The following SLC36A3 variants were observed in gnomAD, a reference collection of about 807,000 sequenced individuals.
SLC36A3 encodes proton-coupled amino acid transporter 3.
A neutral mutation model predicts 44.3 loss-of-function variants in SLC36A3; 35 were observed. That is an observed-to-expected ratio of 0.79 (90% confidence interval 0.60 to 1.05). SLC36A3 has a LOEUF of 1.05. SLC36A3 is among the 50% of genes least tolerant of loss of function. The pLI is 0.00. For synonymous variants in SLC36A3, 211 were observed against 227.6 expected, an observed-to-expected ratio of 0.93 and a Z score of 0.66; for missense variants, 540 against 578.7, an observed-to-expected ratio of 0.93 and a Z score of 0.69.
chr5:151,303,315 A>C lies in SLC36A3; in HGVS notation c.40T>G (p.Ser14Ala). The change falls in exon 1 of 10, where the codon TCC becomes GCC. Residue 14 changes from serine (S) to alanine (A), a missense_variant. Transcript: ENST00000335230. ...LGRDYNSELN[S>A]LDNGPQSPSE... Reference sequence around the variant, plus strand: ...GGTGACTGAGGTCCGTTGTCCAAGGAGTTCAGCTCACTGTTGTAGTCCCTT... The same window carrying C: ...GGTGACTGAGGTCCGTTGTCCAAGGCGTTCAGCTCACTGTTGTAGTCCCTT... 6 of 1,614,020 alleles carry C rather than the reference A, an allele frequency of 3.7e-6. No homozygotes were observed. Among genetic ancestry groups the C allele is most frequent in the Non-Finnish European group, 5.1e-6 (6 of 1,179,954 alleles).
chr5:151,293,221 G>C, intron 4 of SLC36A3, 143 bp downstream of exon 4: 1 of 690,162 alleles, frequency 1.4e-6, no homozygotes, highest in Non-Finnish European at 2.4e-6. Flanking sequence ...AGTGAGATGG[G>C]GGATGGGGTT....
At chr5:151,303,112 A>G in intron 1 of SLC36A3, 115 bp downstream of exon 1, 1 of 1,273,876 alleles carries the variant, frequency 7.9e-7, no homozygotes. Flanking sequence ...TTATCCACGC[A>G]TATCGTGTTA....
In SLC36A3 at chr5:151,303,109, C is replaced by T. The variant is rs369318601; in HGVS notation, c.128+118G>A. On this transcript the variant is annotated intron_variant, in intron 1 of 9. Coordinates refer to ENST00000335230, the MANE Select transcript of SLC36A3 (RefSeq NM_181774.4). ...TTCTGAAGGTTTCATCTTTTATCCA[C>T]GCATATCGTGTTAATGGAATAAGCG... The T allele has an allele frequency of 6.1e-5, 76 of 1,253,204 alleles. 1 individual carries two copies. In the African/African-American group the frequency reaches 7.2e-4, roughly 12 times the overall value. The allele number at this position is 1,253,204 out of a possible 1,614,324, so 77.6% of individuals were successfully genotyped here.
Position 151,299,264 on chromosome 5 carries a change from CTATATATATATATA to C in SLC36A3, c.129-595_129-582del, listed in dbSNP as rs66776978. 3.4e-4 allele frequency among the ~76,000 whole-genome samples: 20 copies of C among 59,644 alleles called. 1 individual carries two copies. The highest frequency in any genetic ancestry group is 5.3e-4 in the Non-Finnish European group (17 of 32,018). 39.1% of individuals were successfully genotyped at this position (59,644 alleles called of 152,430 possible). ...TCTCTCTCTCTCTCTCTCTCTCTCT[CTATATATATATATA>C]TATATATATATATGAAATGAGCTGC... On this transcript the variant is annotated intron_variant, in intron 1 of 9. Transcript: ENST00000335230.
chr5:151,294,069 G>C (rs1212004818), intron 3 of SLC36A3, among the ~76,000 whole-genome samples: 1 of 152,220 alleles, frequency 6.6e-6, no homozygotes, highest in Non-Finnish European at 1.5e-5. Context: ...TAAATTGCAG[G>C]ACTGAGGGGA....
chr5:151,288,307 A>G, intron 5 of SLC36A3, 79 bp downstream of exon 5: 2 of 1,166,154 alleles, frequency 1.7e-6, no homozygotes, highest in Non-Finnish European at 2.4e-6. Flanking sequence ...CATGAGCCTA[A>G]CACAATACTT....
chr5:151,281,346 G>T (rs1754308229), intron 8 of SLC36A3, among the ~76,000 whole-genome samples, 163 bp from the exon 9 acceptor site: 1 of 152,126 alleles, frequency 6.6e-6, no homozygotes, highest in Admixed American at 6.5e-5. Context: ...AAGCATTTTG[G>T]ATAAGGGTTA....
In SLC36A3 at chr5:151,298,665, G is replaced by GA. The variant is rs1304648237; in HGVS notation, c.146dup (p.His50ProfsTer71). ...TGCCAATGTTGCATTTCAACAAGTG[G>GA]ATCAAAGTTTGCATCATCCTGTGGT... On this transcript the variant is annotated frameshift_variant, in exon 2 of 10. Coordinates refer to ENST00000335230, the MANE Select transcript of SLC36A3 (RefSeq NM_181774.4). LOFTEE classifies it high-confidence loss of function. The GA allele has an allele frequency of 2.5e-6, 4 of 1,614,060 alleles. No homozygotes were observed. In the Admixed American group the frequency reaches 5.0e-5, roughly 20 times the overall value.
chr5:151,298,048 C>T (rs986156047), intron 2 of SLC36A3: 4 of 152,142 alleles, frequency 2.6e-5, no homozygotes, highest in African/African-American at 9.7e-5. Flanking sequence ...TAGAAAAATA[C>T]AAAGTGAGGA....
In SLC36A3 at chr5:151,296,172, C is replaced by T; in HGVS notation, c.308+8G>A. On this transcript the variant is annotated splice_region_variant and intron_variant, in intron 3 of 9. Coordinates refer to ENST00000335230, the MANE Select transcript of SLC36A3 (RefSeq NM_181774.4). ...AGTGCTGGAATGAGAGAGAAGCAGG[C>T]CTCTGACCTCTGGCTGAGGTGTTGA... 6.2e-7 allele frequency: 1 copy of T among 1,614,002 alleles called. No individual in the cohort carries two copies. The highest frequency in any genetic ancestry group is 1.7e-5 in the Admixed American group (1 of 60,020).
chr5:151,302,673 T>A (rs1349140371), intron 1 of SLC36A3, among the ~76,000 whole-genome samples: 2 of 152,124 alleles, frequency 1.3e-5, no homozygotes, highest in Non-Finnish European at 2.9e-5. Context: ...AAAACCACTA[T>A]GACACACGTT....
rs5872199 is a variant in SLC36A3 at position 151,301,729 on chromosome 5, T to TA, written c.128+1497dup. Among the ~76,000 whole-genome samples the TA allele has an allele frequency of 2.9e-3, 397 of 136,960 alleles. 4 individuals carry two copies. Among genetic ancestry groups the TA allele is most frequent in the Admixed American group, 4.8e-3 (66 of 13,778 alleles). The allele number at this position is 136,960 out of a possible 152,430, so 89.9% of individuals were successfully genotyped here. On this transcript the variant is annotated intron_variant, in intron 1 of 9. Transcript: ENST00000335230. ...CTGGGCGATAGAGCAAGACTCCGTC[T>TA]AAAAAAAAAAAAAAAAAACCTCCAG...
intron 7 of SLC36A3, 66 bp from the exon 8 acceptor site, chr5:151,284,276 G>GCC: frequency 3.3e-5 from 47 of 1,413,534 alleles, no homozygotes; most frequent in Non-Finnish European, 4.2e-5. Context: ...GTGAAGGAGA[G>GCC]GGTTCCCGTA....
intron 4 of SLC36A3, chr5:151,288,791 A>G (rs17716419): frequency 0.041 from 6,335 of 155,310 alleles, 152 homozygotes; most frequent in African/African-American, 0.047. Flanking sequence ...TTTCAGAATC[A>G]TTTGAAAGTC....
At chr5:151,286,494 T>C (rs1754539931) in intron 6 of SLC36A3, among the ~76,000 whole-genome samples, 1 of 152,150 alleles carries the variant, frequency 6.6e-6, no homozygotes, top group Non-Finnish European at 1.5e-5. Context: ...GATTTTGCTA[T>C]GTTGTCCAGC....
In SLC36A3 at chr5:151,284,149, C is replaced by T; in HGVS notation, c.869G>A (p.Gly290Glu). Residue 290 changes from glycine to glutamate, a missense_variant, in exon 8 of 10, where the codon GGG (glycine) becomes GAG (glutamate). By Grantham distance (98) the Gly-to-Glu change is moderately conservative (BLOSUM62 -2). Coordinates refer to ENST00000335230, the MANE Select transcript of SLC36A3 (RefSeq NM_181774.4). ...PQQFSFVLYL[G>E]MSIVIILYIL... ...ATAGAGGATGATGACAATGGACATC[C>T]CCAAGTACAGAACAAAAGAAAACTG... 6.2e-7 allele frequency: 1 copy of T among 1,613,944 alleles called. No individual in the cohort carries two copies. Among genetic ancestry groups the T allele is most frequent in the Non-Finnish European group, 8.5e-7 (1 of 1,179,956 alleles).
chr5:151,291,862 G>A (rs1041256573), intron 4 of SLC36A3, among the ~76,000 whole-genome samples: 3 of 151,878 alleles, frequency 2.0e-5, no homozygotes, highest in African/African-American at 7.3e-5. Flanking sequence ...GCTTTTGTTT[G>A]TTTGTTTGTT....
chr5:151,296,526 T>A (rs1200055284), intron 2 of SLC36A3: 4 of 515,646 alleles, frequency 7.8e-6, no homozygotes, highest in Middle Eastern at 5.0e-4. Flanking sequence ...AGCCCATGCA[T>A]TTTCTCATTT....
chr5:151,276,579 T>TC lies in SLC36A3; in HGVS notation c.*813_*814insG, dbSNP rs1754100578. On this transcript the variant is annotated 3_prime_UTR_variant, in exon 10 of 10. Transcript: ENST00000335230. ...CCATGAATATTTTTGTACAAGTCTTTTTATGGATATATATTTCTTTTTTCT... is the reference window on the plus strand; with the variant it reads ...CCATGAATATTTTTGTACAAGTCTTTCTTATGGATATATATTTCTTTTTTCT... Among the ~76,000 whole-genome samples, 1 of 152,250 alleles carries TC rather than the reference T, an allele frequency of 6.6e-6. No individual in the cohort carries two copies. Among genetic ancestry groups the TC allele is most frequent in the Non-Finnish European group, 1.5e-5 (1 of 68,046 alleles).
Sources: gnomAD v4.1 joint callset for allele counts (sites outside exome capture counted in the v4.1 genomes callset) on GRCh38, gnomAD v4.1.1 for gene constraint, MANE v1.5 for transcripts, NCBI Gene and HGNC (gene_info 2026-07-23, HGNC 2026-07-21) for gene names.